Variants in CSMD1 observed in about 807,000 individuals in gnomAD.
CSMD1 encodes the protein CUB and sushi domain-containing protein 1.
CSMD1 carries 213 observed loss-of-function variants against 417.5 expected under a neutral mutation model. The observed-to-expected ratio is 0.51, with a 90% CI of 0.46 to 0.57. The LOEUF is 0.57. Among genes scored for constraint, CSMD1 ranks in the 20% least tolerant of loss-of-function variants. The probability of loss-of-function intolerance (pLI) is 0.00; values close to 1 mark genes in which losing one functional copy is unlikely to be tolerated. For synonymous variants in CSMD1, 2,862 were observed against 1,736.8 expected (o/e 1.65, Z -16.11); for missense variants, 6,923 against 4,529.7 (o/e 1.53, Z -15.17).
chr8:3,979,290 T>C (rs1049305229), intron 5 of CSMD1, among the ~76,000 whole-genome samples: 1 of 152,198 alleles, frequency 6.6e-6, no homozygotes, highest in South Asian at 2.1e-4. Context: ...CTCTAATTTG[T>C]TCTGGATGTA....
intron 1 of CSMD1, among the ~76,000 whole-genome samples, chr8:4,897,662 G>C (rs545544845): frequency 2.6e-5 from 4 of 152,190 alleles, no homozygotes; most frequent in Admixed American, 6.5e-5. Context: ...TATTTATACA[G>C]TATCTTAAGC....
Position 4,142,504 on chromosome 8 carries a change from G to T in CSMD1, c.416-110405C>A, listed in dbSNP as rs114834849. 5.9e-5 allele frequency among the ~76,000 whole-genome samples: 9 copies of T among 151,316 alleles called. 1 individual carries two copies. Among genetic ancestry groups the T allele is most frequent in the African/African-American group, 2.2e-4 (9 of 40,610 alleles). On this transcript the variant is annotated intron_variant, in intron 3 of 69. Coordinates refer to ENST00000635120, the MANE Select transcript of CSMD1 (RefSeq NM_033225.6). ...GCTAAATTCACAAGCTCGTGAAAAA[G>T]GAGCTGTTCTAGATGAATTCTAAGT...
intron 50 of CSMD1, among the ~76,000 whole-genome samples, chr8:3,044,844 G>A (rs1404945662): frequency 1.3e-5 from 2 of 152,068 alleles, no homozygotes; most frequent in African/African-American, 4.8e-5. Context: ...ACATATTACT[G>A]CAATTGCTAA....
At chr8:3,713,542 A>C (rs1801649156) in intron 6 of CSMD1, among the ~76,000 whole-genome samples, 1 of 151,966 alleles carries the variant, frequency 6.6e-6, no homozygotes, top group Admixed American at 6.6e-5. Context: ...TGCCTTCCTC[A>C]AGATCCACTG....
At chr8:4,723,256 A>T (rs1809182716) in intron 1 of CSMD1, among the ~76,000 whole-genome samples, 1 of 152,188 alleles carries the variant, frequency 6.6e-6, no homozygotes, top group Non-Finnish European at 1.5e-5. Context: ...TTTTCTTGCC[A>T]TCCCTTCACT....
chr8:4,592,083 G>A (rs910911914), intron 2 of CSMD1, among the ~76,000 whole-genome samples: 1 of 152,072 alleles, frequency 6.6e-6, no homozygotes, highest in African/African-American at 2.4e-5. Context: ...TAACAGTAGG[G>A]ACATGCTGGT....
chr8:4,235,694 A>C (rs1802003396), intron 3 of CSMD1, among the ~76,000 whole-genome samples: 1 of 152,138 alleles, frequency 6.6e-6, no homozygotes, highest in African/African-American at 2.4e-5. Context: ...TTTCCTGAAG[A>C]ATTTTATTTA....
At chr8:4,365,047 T>C (rs1801985692) in intron 3 of CSMD1, among the ~76,000 whole-genome samples, 1 of 152,144 alleles carries the variant, frequency 6.6e-6, no homozygotes, top group African/African-American at 2.4e-5. Context: ...CTTTCAATTG[T>C]GAGGACATTT....
intron 5 of CSMD1, among the ~76,000 whole-genome samples, chr8:3,841,195 G>A (rs1349226112): frequency 2.0e-5 from 3 of 152,074 alleles, no homozygotes; most frequent in African/African-American, 7.2e-5. Context: ...TAATACAAAG[G>A]AATTCCATAC....
chr8:4,464,767 G>A (rs184116357), intron 2 of CSMD1, among the ~76,000 whole-genome samples: 1 of 152,170 alleles, frequency 6.6e-6, no homozygotes, highest in African/African-American at 2.4e-5. Context: ...GAGTCCTGCT[G>A]AGTGGGGTGG....
chr8:3,235,383 A>T (rs1423844321), intron 26 of CSMD1, among the ~76,000 whole-genome samples: 1 of 152,200 alleles, frequency 6.6e-6, no homozygotes, highest in Admixed American at 6.5e-5. Context: ...CACAGATTTT[A>T]TACATGAATA....
chr8:4,078,186 C>G (rs1799932749), intron 3 of CSMD1, among the ~76,000 whole-genome samples: 1 of 152,112 alleles, frequency 6.6e-6, no homozygotes, highest in Non-Finnish European at 1.5e-5. Flanking sequence ...CTATTTTCAA[C>G]TCTTTGCTGC....
chr8:3,786,760 G>T (rs1469778750), intron 5 of CSMD1, among the ~76,000 whole-genome samples: 3 of 152,198 alleles, frequency 2.0e-5, no homozygotes, highest in African/African-American at 7.2e-5. Flanking sequence ...TTTCTTTCAA[G>T]CTCACAGAGG....
chr8:4,922,675 G>T (rs1806574682), intron 1 of CSMD1, among the ~76,000 whole-genome samples: 1 of 152,144 alleles, frequency 6.6e-6, no homozygotes, highest in South Asian at 2.1e-4. Context: ...GGAAATTTCT[G>T]AGAGCCCCTG....
chr8:2,973,349 T>C, intron 56 of CSMD1, 50 bp from the exon 57 acceptor site: 1 of 1,558,650 alleles, frequency 6.4e-7, no homozygotes, highest in Non-Finnish European at 8.8e-7. Flanking sequence ...TAGACTTGTT[T>C]TAAGCAGAGT....
intron 1 of CSMD1, among the ~76,000 whole-genome samples, chr8:4,816,341 C>T (rs922603455): frequency 6.6e-6 from 1 of 151,962 alleles, no homozygotes; most frequent in Non-Finnish European, 1.5e-5. Flanking sequence ...AGCATCACCA[C>T]ACCTGGGTAA....
chr8:4,161,626 G>T (rs953652263), intron 3 of CSMD1, among the ~76,000 whole-genome samples: 6 of 152,060 alleles, frequency 3.9e-5, no homozygotes, highest in Non-Finnish European at 7.4e-5. Context: ...AATTTAAAAT[G>T]TCAAAAGTTT....
intron 5 of CSMD1, among the ~76,000 whole-genome samples, chr8:3,996,039 A>T (rs917101424): frequency 1.3e-5 from 2 of 152,176 alleles, no homozygotes; most frequent in African/African-American, 4.8e-5. Context: ...TGTTGCCATA[A>T]AGTGCTACAA....
intron 5 of CSMD1, among the ~76,000 whole-genome samples, chr8:3,931,664 T>TA (rs1232041438): frequency 6.7e-6 from 1 of 149,222 alleles, no homozygotes; most frequent in African/African-American, 2.5e-5. Flanking sequence ...TGTATAGTTC[T>TA]AAAAAACAAA....
Sources: gnomAD v4.1 joint callset for allele counts (sites outside exome capture counted in the v4.1 genomes callset) on GRCh38, gnomAD v4.1.1 for gene constraint, MANE v1.5 for transcripts, NCBI Gene and HGNC (gene_info 2026-07-23, HGNC 2026-07-21) for gene names.